The following RGS21 variants were observed in gnomAD, a reference collection of about 807,000 sequenced individuals.
RGS21 encodes regulator of G-protein signalling 21.
In RGS21, 19 loss-of-function variants were observed where a neutral mutation model predicts 18.7. The observed-to-expected ratio is 1.01, with a 90% CI of 0.71 to 1.49. RGS21 has a LOEUF of 1.49. Among genes scored for constraint, RGS21 ranks in the 40% most tolerant of loss-of-function variants. The pLI is 0.00. For missense variants in RGS21, 194 were observed against 176.8 expected, an observed-to-expected ratio of 1.10 and a Z score of -0.55; for synonymous variants, 56 against 57.8, an observed-to-expected ratio of 0.97 and a Z score of 0.14.
chr1:192,335,086 T>TA (rs77971065), intron 1 of RGS21, among the ~76,000 whole-genome samples: 1 of 151,936 alleles, frequency 6.6e-6, no homozygotes, highest in Non-Finnish European at 1.5e-5. Context: ...TTAGCTTCCC[T>TA]AAAAAAAATC....
chr1:192,337,087 C>T (rs1018526770), intron 1 of RGS21, among the ~76,000 whole-genome samples: 1 of 151,826 alleles, frequency 6.6e-6, no homozygotes, highest in African/African-American at 2.4e-5. Context: ...ATAAAATAGT[C>T]AACGATCTTG....
chr1:192,352,098 A>G lies in RGS21; in HGVS notation c.140A>G (p.Asn47Ser), dbSNP rs765823955. 363 of 1,606,266 alleles carry G rather than the reference A, an allele frequency of 2.3e-4. No individual in the cohort carries two copies. Among genetic ancestry groups the G allele is most frequent in the Non-Finnish European group, 3.0e-4 (355 of 1,177,304 alleles). The part of the protein sequence containing the change: ...IFLKSEFSEE[N>S]VEFWLACEDF... ...CTAAAATCAGAGTTTAGTGAAGAAAATGTTGAGTTCTGGCTTGCCTGTGAA... is the reference window on the plus strand; with the variant it reads ...CTAAAATCAGAGTTTAGTGAAGAAAGTGTTGAGTTCTGGCTTGCCTGTGAA... The change falls in exon 4 of 5, where the codon AAT becomes AGT. Residue 47 changes from asparagine (N) to serine (S), a missense_variant. Physicochemically the swap from Asn to Ser is conservative, Grantham distance 46 (BLOSUM62 1). Coordinates refer to ENST00000417209, the MANE Select transcript of RGS21 (RefSeq NM_001039152.3).
chr1:192,344,163 G>T (rs552550366), intron 2 of RGS21, among the ~76,000 whole-genome samples: 2 of 151,848 alleles, frequency 1.3e-5, no homozygotes, highest in Admixed American at 1.3e-4. Flanking sequence ...TGAGCAGCCA[G>T]TTACCACAAT....
At chr1:192,325,319 G>T (rs1658554747) in intron 1 of RGS21, among the ~76,000 whole-genome samples, 1 of 152,024 alleles carries the variant, frequency 6.6e-6, no homozygotes, top group South Asian at 2.1e-4. Flanking sequence ...TTGTTTTATA[G>T]CTGTGGAGTT....
chr1:192,319,535 C>T (rs975613730), intron 1 of RGS21, among the ~76,000 whole-genome samples: 1 of 152,014 alleles, frequency 6.6e-6, no homozygotes, highest in Non-Finnish European at 1.5e-5. Flanking sequence ...AATCAAGCAA[C>T]CTTACCTCCA....
chr1:192,366,356 G>T lies in RGS21; in HGVS notation c.*232G>T, dbSNP rs1171618455. On this transcript the variant is annotated 3_prime_UTR_variant, in exon 5 of 5. Transcript: ENST00000417209. ...GGGGAGTACAAAGAAAGTTTATAGA[G>T]ATACAATATAGTCTTAAACCAAAAC... 2 of 412,248 alleles carry T rather than the reference G, an allele frequency of 4.9e-6. No homozygotes were observed. Among genetic ancestry groups the T allele is most frequent in the Non-Finnish European group, 8.7e-6 (2 of 230,582 alleles). 25.5% of individuals were successfully genotyped at this position (412,248 alleles called of 1,614,324 possible). A position where few individuals can be genotyped will look rare whatever the true frequency, so the allele number is the denominator to read the frequency against.
Position 192,347,365 on chromosome 1 carries a change from A to G in RGS21, c.64A>G (p.Met22Val), listed in dbSNP as rs1658967606. Residue 22 changes from methionine to valine, a missense_variant, in exon 3 of 5, where the codon ATG becomes GTG. Met to Val is a conservative substitution (Grantham distance 21). Transcript: ENST00000417209. ...TAETMTWSEN[M>V]DTLLANQAGL... The stretch of plus-strand genomic sequence containing the variant: ...GGAAACAATGACATGGTCTGAAAAT[A>G]TGGACACGCTTTTAGCCAACCAAGG... The G allele has an allele frequency of 6.2e-7, 1 of 1,604,066 alleles. No homozygotes were observed. The highest frequency in any genetic ancestry group is 8.5e-7 in the Non-Finnish European group (1 of 1,171,802).
chr1:192,336,857 G>GTTA (rs1658775051), intron 1 of RGS21, among the ~76,000 whole-genome samples: 1 of 151,960 alleles, frequency 6.6e-6, no homozygotes, highest in Non-Finnish European at 1.5e-5. Flanking sequence ...AAATAATCTT[G>GTTA]TTATGAGTTG....
intron 4 of RGS21, among the ~76,000 whole-genome samples, chr1:192,357,586 A>G (rs1294799044): frequency 6.6e-6 from 1 of 151,944 alleles, no homozygotes; most frequent in Admixed American, 6.6e-5. Context: ...TAGAGATAAA[A>G]TGATGAGCCC....
intron 1 of RGS21, among the ~76,000 whole-genome samples, chr1:192,323,762 A>AATT (rs201205421): frequency 0.011 from 1,624 of 152,246 alleles, 33 homozygotes; most frequent in African/African-American, 0.036. Flanking sequence ...GATGTGGATA[A>AATT]ATTTCCTGAA....
chr1:192,330,315 C>T (rs1015076439), intron 1 of RGS21, among the ~76,000 whole-genome samples: 5 of 152,092 alleles, frequency 3.3e-5, no homozygotes, highest in Admixed American at 6.5e-5. Flanking sequence ...CAACTAAAGA[C>T]GGTGAGGTTA....
At chr1:192,348,001 T>C (rs1372732403) in intron 3 of RGS21, among the ~76,000 whole-genome samples, 2 of 136,066 alleles carry the variant, frequency 1.5e-5, no homozygotes, top group Admixed American at 6.9e-5. Context: ...TATACACACA[T>C]ACACATACAT....
chr1:192,362,210 A>C (rs1659196189), intron 4 of RGS21, among the ~76,000 whole-genome samples: 1 of 152,176 alleles, frequency 6.6e-6, no homozygotes, highest in African/African-American at 2.4e-5. Flanking sequence ...ATGGGTTTTC[A>C]GCTGAATTTT....
chr1:192,360,816 A>C lies in RGS21; in HGVS notation c.256-5105A>C, dbSNP rs560527600. On this transcript the variant is annotated intron_variant, in intron 4 of 4. Coordinates refer to ENST00000417209, the MANE Select transcript of RGS21 (RefSeq NM_001039152.3). ...TCCTTTTTAATATTTCATAGTCATA[A>C]TACTACTTGAAAAACCAGCTTAAAA... Among the ~76,000 whole-genome samples, 117 of 152,220 alleles carry C rather than the reference A, an allele frequency of 7.7e-4. 1 individual carries two copies. Among genetic ancestry groups the C allele is most frequent in the Non-Finnish European group, 5.7e-4 (39 of 68,002 alleles).
At chr1:192,336,057 T>C (rs1658763018) in intron 1 of RGS21, among the ~76,000 whole-genome samples, 1 of 152,232 alleles carries the variant, frequency 6.6e-6, no homozygotes, top group Admixed American at 6.5e-5. Context: ...GTGTAAAGCA[T>C]ATTATCTAAA....
chr1:192,332,852 T>A (rs145783225), intron 1 of RGS21, among the ~76,000 whole-genome samples: 2 of 152,184 alleles, frequency 1.3e-5, no homozygotes, highest in Admixed American at 1.3e-4. Flanking sequence ...AGTTCAAAGC[T>A]GCAGTCAGTG....
At chr1:192,322,605 A>C (rs1032008998) in intron 1 of RGS21, among the ~76,000 whole-genome samples, 3 of 151,948 alleles carry the variant, frequency 2.0e-5, no homozygotes, top group Non-Finnish European at 2.9e-5. Flanking sequence ...TCTCCTCATG[A>C]CATTACCTGG....
chr1:192,328,470 C>T (rs905455465), intron 1 of RGS21, among the ~76,000 whole-genome samples: 1 of 151,990 alleles, frequency 6.6e-6, no homozygotes, highest in South Asian at 2.1e-4. Context: ...TAAATGTTTC[C>T]AAGCTTCAGA....
intron 1 of RGS21, among the ~76,000 whole-genome samples, chr1:192,325,028 C>A (rs943919947): frequency 1.9e-4 from 29 of 152,182 alleles, no homozygotes; most frequent in African/African-American, 6.7e-4. Context: ...TAAGGATGAT[C>A]TGGCTTGAAT....
Sources: gnomAD v4.1 joint callset for allele counts (sites outside exome capture counted in the v4.1 genomes callset) on GRCh38, gnomAD v4.1.1 for gene constraint, MANE v1.5 for transcripts, NCBI Gene and HGNC (gene_info 2026-07-23, HGNC 2026-07-21) for gene names.